Variants in TRIP4 observed in about 807,000 individuals in gnomAD.
TRIP4 encodes the protein activating signal cointegrator 1.
TRIP4 carries 54 observed loss-of-function variants against 81.8 expected under a neutral mutation model. The observed-to-expected ratio is 0.66, with a 90% confidence interval of 0.53 to 0.83. The LOEUF is 0.83. Among genes scored for constraint, TRIP4 ranks in the 40% least tolerant of loss-of-function variants. TRIP4 has a pLI of 0.00. For synonymous variants in TRIP4, 270 were observed against 242.8 expected (o/e 1.11, Z -1.04); for missense variants, 662 against 683.6 (o/e 0.97, Z 0.35).
chr15:64,422,325 C>G (rs1218401038), intron 9 of TRIP4, among the ~76,000 whole-genome samples: 1 of 152,196 alleles, frequency 6.6e-6, no homozygotes. Flanking sequence ...CTCTACTGTT[C>G]AGGCTTCAGA....
intron 9 of TRIP4, among the ~76,000 whole-genome samples, chr15:64,420,529 CT>C (rs35771443): frequency 1.5e-4 from 22 of 145,926 alleles, no homozygotes; most frequent in African/African-American, 2.3e-4. Flanking sequence ...CTTCTTATTT[CT>C]TTTTTTTTTT....
chr15:64,412,003 T>G (rs1004637320), intron 7 of TRIP4, among the ~76,000 whole-genome samples: 1 of 152,186 alleles, frequency 6.6e-6, no homozygotes, highest in African/African-American at 2.4e-5. Flanking sequence ...ACTTTTGACT[T>G]ATCAGCTACA....
At chr15:64,396,417 C>T (rs1430771851) in intron 3 of TRIP4, among the ~76,000 whole-genome samples, 5 of 151,624 alleles carry the variant, frequency 3.3e-5, no homozygotes, top group Non-Finnish European at 1.5e-5. Context: ...GCTGTGATTA[C>T]AGGCACACAT....
intron 9 of TRIP4, among the ~76,000 whole-genome samples, chr15:64,419,605 G>A (rs1385706021): frequency 1.3e-5 from 2 of 151,724 alleles, no homozygotes; most frequent in African/African-American, 4.8e-5. Context: ...TGATCCGCCC[G>A]CCTCGGCCTC....
intron 4 of TRIP4, among the ~76,000 whole-genome samples, chr15:64,399,973 CAAA>C (rs777165797): frequency 1.1e-5 from 1 of 87,548 alleles, no homozygotes; most frequent in African/African-American, 4.4e-5. Flanking sequence ...ACACCCTGCT[CAAA>C]AAAAAAAAAA....
chr15:64,405,449 C>T (rs533752191), intron 5 of TRIP4, among the ~76,000 whole-genome samples: 16 of 152,140 alleles, frequency 1.1e-4, no homozygotes, highest in African/African-American at 2.9e-4. Flanking sequence ...CCACTGCACC[C>T]GGCCACTGGT....
At chr15:64,425,426 CA>C in intron 10 of TRIP4, 113 bp from the exon 11 acceptor site, 1 of 959,202 alleles carries the variant, frequency 1.0e-6, no homozygotes, top group South Asian at 1.5e-5. Flanking sequence ...CTTATGTCTA[CA>C]AATAGATAAT....
chr15:64,412,305 C>A (rs565501589), intron 7 of TRIP4, among the ~76,000 whole-genome samples: 2 of 152,094 alleles, frequency 1.3e-5, no homozygotes, highest in Admixed American at 6.6e-5. Context: ...CCTCATCATA[C>A]AAATTCTTAT....
chr15:64,388,564 C>T (rs1900022836), intron 1 of TRIP4, among the ~76,000 whole-genome samples: 1 of 152,180 alleles, frequency 6.6e-6, no homozygotes, highest in Non-Finnish European at 1.5e-5. Context: ...CCGCCTCGAC[C>T]TCCCAAAGTG....
intron 11 of TRIP4, among the ~76,000 whole-genome samples, chr15:64,429,188 GA>G (rs1224497971): frequency 6.6e-6 from 1 of 151,910 alleles, no homozygotes; most frequent in Non-Finnish European, 1.5e-5. Context: ...GTGGTGGCAG[GA>G]GCCTGTAATC....
intron 11 of TRIP4, among the ~76,000 whole-genome samples, chr15:64,437,600 C>T (rs1358005922): frequency 6.6e-6 from 1 of 151,410 alleles, no homozygotes. Context: ...TCAAGCGATT[C>T]TCCTGCCTCA....
chr15:64,387,930 A>G lies in TRIP4; in HGVS notation c.67A>G (p.Thr23Ala). Residue 23 changes from threonine (T) to alanine (A), a missense_variant, in exon 1 of 13, where the codon ACT (threonine) becomes GCT (alanine). Transcript: ENST00000261884. Reference sequence around the variant, plus strand: ...CTGGTGCACCCAGCAGTTGCGGAAGACTTTCGGCCTGGATGTCAGCGAGGA... The same window carrying G: ...CTGGTGCACCCAGCAGTTGCGGAAGGCTTTCGGCCTGGATGTCAGCGAGGA... ...VHWCTQQLRKTFGLDVSEEII... is the reference protein window; with the variant it reads ...VHWCTQQLRKAFGLDVSEEII... 6.4e-7 allele frequency: 1 copy of G among 1,551,182 alleles called. No homozygotes were observed. The highest frequency in any genetic ancestry group is 1.2e-5 in the South Asian group (1 of 84,014).
chr15:64,419,549 G>T (rs1023855598), intron 9 of TRIP4, among the ~76,000 whole-genome samples: 4 of 151,480 alleles, frequency 2.6e-5, no homozygotes, highest in Non-Finnish European at 4.4e-5. Flanking sequence ...TAGTAGAGAC[G>T]GGGTTTCACC....
At chr15:64,452,283 C>G (rs1234002723) in intron 12 of TRIP4, among the ~76,000 whole-genome samples, 1 of 152,172 alleles carries the variant, frequency 6.6e-6, no homozygotes, top group East Asian at 1.9e-4. Flanking sequence ...TGCCCTGCCA[C>G]AAATCTGAAA....
intron 12 of TRIP4, chr15:64,450,669 C>A (rs1275735665): frequency 4.4e-6 from 2 of 455,718 alleles, no homozygotes; most frequent in African/African-American, 4.0e-5. Flanking sequence ...TTTTAGGCAG[C>A]CTAGAGGATG....
At chr15:64,429,904 C>T (rs1892231400) in intron 11 of TRIP4, among the ~76,000 whole-genome samples, 1 of 152,072 alleles carries the variant, frequency 6.6e-6, no homozygotes, top group South Asian at 2.1e-4. Flanking sequence ...TGACTTGGAC[C>T]ACATTTTGCC....
chr15:64,416,475 C>T (rs1403875565), intron 8 of TRIP4, among the ~76,000 whole-genome samples: 2 of 151,958 alleles, frequency 1.3e-5, no homozygotes, highest in Non-Finnish European at 2.9e-5. Context: ...GTAATCCTAG[C>T]ATTTTGGGAG....
At position 64,395,105 on chromosome 15, in the gene TRIP4, C is replaced by CA. The variant is rs5813296; in HGVS notation, c.272-290dup. ...AAACGGTCCACCTGTCTCGGCCTCT[C>CA]AAAGTGCTGGGATTATGCATGTGAG... On this transcript the variant is annotated intron_variant, in intron 2 of 12. Coordinates refer to ENST00000261884, the MANE Select transcript of TRIP4 (RefSeq NM_016213.5). Among the ~76,000 whole-genome samples, 34,836 of 152,102 alleles carry CA rather than the reference C, an allele frequency of 0.23. 5,101 individuals carry two copies. Among genetic ancestry groups the CA allele is most frequent in the Admixed American group, 0.4 (6,126 of 15,244 alleles).
intron 11 of TRIP4, among the ~76,000 whole-genome samples, chr15:64,436,181 G>A (rs1275896319): frequency 6.6e-6 from 1 of 151,998 alleles, no homozygotes; most frequent in Non-Finnish European, 1.5e-5. Flanking sequence ...TGTGTTCCCA[G>A]CTACTCAGGA....
Sources: gnomAD v4.1 joint callset for allele counts (sites outside exome capture counted in the v4.1 genomes callset) on GRCh38, gnomAD v4.1.1 for gene constraint, MANE v1.5 for transcripts, NCBI Gene and HGNC (gene_info 2026-07-23, HGNC 2026-07-21) for gene names.